Variants in KCNK2 observed in about 807,000 individuals in gnomAD.
KCNK2 encodes the protein potassium channel subfamily K member 2.
In KCNK2, 21 loss-of-function variants were observed where a neutral mutation model predicts 40.5. The observed-to-expected ratio is 0.52, with a 90% CI of 0.37 to 0.75. KCNK2 has a LOEUF of 0.75. Among genes scored for constraint, KCNK2 ranks in the 30% least tolerant of loss-of-function variants. The pLI, the probability that KCNK2 is intolerant of heterozygous loss-of-function variation, is 0.00. For missense variants in KCNK2, 399 were observed against 531.6 expected (o/e 0.75, Z 2.45); for synonymous variants, 191 against 202.2 (o/e 0.94, Z 0.47).
intron 3 of KCNK2, among the ~76,000 whole-genome samples, chr1:215,141,851 G>C (rs185748753): frequency 6.6e-6 from 1 of 151,856 alleles, no homozygotes; most frequent in Non-Finnish European, 1.5e-5. Flanking sequence ...CAGTTAATTC[G>C]TTGTTTTTAG....
At chr1:215,125,556 G>A (rs1661380087) in intron 3 of KCNK2, among the ~76,000 whole-genome samples, 2 of 151,864 alleles carry the variant, frequency 1.3e-5, no homozygotes, top group Non-Finnish European at 2.9e-5. Context: ...CTTGGACACA[G>A]GAAGGGGAAC....
chr1:215,207,713 T>G lies in KCNK2; in HGVS notation c.963+12621T>G, dbSNP rs191078871. Among the ~76,000 whole-genome samples the G allele has an allele frequency of 2.1e-3, 321 of 152,312 alleles. 7 individuals are homozygous for G. The highest frequency in any genetic ancestry group is 1.2e-3 in the East Asian group (6 of 5,190). ...TCCAGCATATCAAGTTATTTTGGAT[T>G]CCTAAAATGTCTGGTTTTTCACCTT... On this transcript the variant is annotated intron_variant, in intron 6 of 6. Transcript: ENST00000444842.
intron 6 of KCNK2, among the ~76,000 whole-genome samples, chr1:215,227,676 T>C (rs530672897): frequency 4.6e-5 from 7 of 151,844 alleles, no homozygotes; most frequent in Non-Finnish European, 7.4e-5. Flanking sequence ...TTTGAGGGGA[T>C]AGGGAATTAA....
At chr1:215,078,580 A>C (rs541053447), upstream of KCNK2, among the ~76,000 whole-genome samples, 2 of 152,234 alleles carry the variant, frequency 1.3e-5, no homozygotes, top group South Asian at 4.1e-4. Flanking sequence ...TGAGAACAGC[A>C]TGGGGGAAAC....
intron 1 of KCNK2, among the ~76,000 whole-genome samples, chr1:215,046,315 T>C (rs1313010073): frequency 6.6e-6 from 1 of 152,136 alleles, no homozygotes; most frequent in Admixed American, 6.5e-5. Flanking sequence ...AATATATACA[T>C]ATACACAAAT....
chr1:215,208,097 A>G (rs905611915), intron 6 of KCNK2, among the ~76,000 whole-genome samples: 4 of 152,224 alleles, frequency 2.6e-5, no homozygotes, highest in African/African-American at 4.8e-5. Flanking sequence ...CACTATTCAC[A>G]ATAGCAAAGA....
intron 1 of KCNK2, among the ~76,000 whole-genome samples, chr1:215,085,778 G>A (rs921738034): frequency 3.3e-5 from 5 of 152,120 alleles, no homozygotes; most frequent in Admixed American, 2.0e-4. Context: ...TTCGACCATC[G>A]AGTGGTTTAT....
chr1:215,044,201 G>A lies in KCNK2; in HGVS notation c.34+38246G>A, dbSNP rs368884133. On this transcript the variant is annotated intron_variant, in intron 1 of 6. Transcript: ENST00000391895. Reference sequence around the variant, plus strand: ...AAGTATGTTTAGGAAAATACTAGTCGTACATGATAGTCTGAGCAGGGAGAA... The same window carrying A: ...AAGTATGTTTAGGAAAATACTAGTCATACATGATAGTCTGAGCAGGGAGAA... 8.9e-4 allele frequency among the ~76,000 whole-genome samples: 135 copies of A among 152,118 alleles called. 1 individual carries two copies. Among genetic ancestry groups the A allele is most frequent in the South Asian group, 3.1e-3 (15 of 4,812 alleles).
At chr1:215,026,961 A>C (rs1323048849) in intron 1 of KCNK2, among the ~76,000 whole-genome samples, 1 of 152,050 alleles carries the variant, frequency 6.6e-6, no homozygotes, top group Non-Finnish European at 1.5e-5. Context: ...CAGGATTTAT[A>C]GCTTTCATGG....
At chr1:215,101,230 A>G (rs1390397175) in intron 2 of KCNK2, among the ~76,000 whole-genome samples, 1 of 152,024 alleles carries the variant, frequency 6.6e-6, no homozygotes, top group East Asian at 1.9e-4. Flanking sequence ...ATTAACAAAT[A>G]TCTACTTGAA....
rs71167812 is a variant in KCNK2, at chr1:215,177,740, A to ATATAT, written c.823+5558_823+5559insATATT. On this transcript the variant is annotated intron_variant, in intron 5 of 6. Coordinates refer to ENST00000444842, the MANE Select transcript of KCNK2 (RefSeq NM_001017425.3). ...TATATGTGTATATATATATATATATATTTTTTTTTTTTGTAGCAGTACCAT... is the reference window on the plus strand; with the variant it reads ...TATATGTGTATATATATATATATATATATATTTTTTTTTTTTTGTAGCAGTACCAT... Among the ~76,000 whole-genome samples, 180 of 101,572 alleles carry ATATAT rather than the reference A, an allele frequency of 1.8e-3. 2 individuals are homozygous for ATATAT. Among genetic ancestry groups the ATATAT allele is most frequent in the South Asian group, 7.3e-3 (24 of 3,294 alleles). 66.6% of individuals were successfully genotyped at this position (101,572 alleles called of 152,430 possible).
chr1:215,034,008 T>C (rs1657296248), intron 1 of KCNK2, among the ~76,000 whole-genome samples: 1 of 152,176 alleles, frequency 6.6e-6, no homozygotes, highest in African/African-American at 2.4e-5. Context: ...ATTTCAGGTT[T>C]CCCTACATAG....
chr1:215,176,786 C>T (rs1466222315), intron 5 of KCNK2, among the ~76,000 whole-genome samples: 3 of 152,106 alleles, frequency 2.0e-5, no homozygotes, highest in African/African-American at 4.8e-5. Context: ...GTGAATAGTG[C>T]TGCAATGAAC....
At position 215,229,451 on chromosome 1, in the gene KCNK2, C is replaced by T. The variant is rs561015934; in HGVS notation, c.964-5377C>T. ...GGCTAAGGCAGGAGAATCATTTGAG[C>T]TCACAAGATTGAGACCAGCCTGGGC... On this transcript the variant is annotated intron_variant, in intron 6 of 6. Transcript: ENST00000444842. 7.9e-5 allele frequency among the ~76,000 whole-genome samples: 12 copies of T among 152,006 alleles called. No individual in the cohort carries two copies. In the South Asian group the frequency reaches 1.9e-3, roughly 24 times the overall value.
At chr1:215,156,199 G>A (rs1247849336) in intron 3 of KCNK2, among the ~76,000 whole-genome samples, 1 of 152,018 alleles carries the variant, frequency 6.6e-6, no homozygotes, top group East Asian at 1.9e-4. Flanking sequence ...AAAGTACACA[G>A]TATTGATGGG....
intron 1 of KCNK2, among the ~76,000 whole-genome samples, chr1:215,038,384 G>T (rs996903435): frequency 3.9e-5 from 6 of 152,058 alleles, no homozygotes; most frequent in African/African-American, 7.2e-5. Context: ...GCAGGTGCTG[G>T]GCTTTCAGGA....
At chr1:215,156,919 C>A (rs1260757059) in intron 3 of KCNK2, among the ~76,000 whole-genome samples, 1 of 152,128 alleles carries the variant, frequency 6.6e-6, no homozygotes, top group East Asian at 1.9e-4. Context: ...GGTGTGGTGG[C>A]TCGTGCCTGT....
At chr1:215,020,145 T>G (rs1164744372) in intron 1 of KCNK2, among the ~76,000 whole-genome samples, 1 of 152,140 alleles carries the variant, frequency 6.6e-6, no homozygotes, top group Non-Finnish European at 1.5e-5. Context: ...CTTTCAGAGG[T>G]GTGGCACTTT....
rs6686479 is a variant in KCNK2 at position 215,219,099 on chromosome 1, C to T, written c.964-15729C>T. On this transcript the variant is annotated intron_variant, in intron 6 of 6. Transcript: ENST00000444842. ...ATGATTAATTTAATAGCTGTCATGT[C>T]TGAAAAAGATAACTCACAGAGACAC... Among the ~76,000 whole-genome samples the T allele has an allele frequency of 2.0e-3, 311 of 152,240 alleles. 3 individuals are homozygous for T. The highest frequency in any genetic ancestry group is 7.3e-3 in the African/African-American group (303 of 41,540).
Sources: allele counts gnomAD v4.1 joint callset (sites outside exome capture counted in the v4.1 genomes callset), GRCh38; gene constraint gnomAD v4.1.1; transcripts MANE v1.5; gene names NCBI Gene and HGNC (gene_info 2026-07-23, HGNC 2026-07-21).